CDK12: variants seen among roughly 807,000 people sequenced by gnomAD.
CDK12 encodes the protein cyclin-dependent kinase 12.
CDK12 carries 17 observed loss-of-function variants against 133.8 expected under a neutral mutation model. That is an observed-to-expected ratio of 0.13 (90% CI 0.09 to 0.19). CDK12 has a LOEUF of 0.19. Among genes scored for constraint, CDK12 ranks in the 10% least tolerant of loss-of-function variants. The pLI is 1.00. For synonymous variants in CDK12, 694 were observed against 683.6 expected (o/e 1.02, Z -0.24); for missense variants, 1,508 against 1,818.7 (o/e 0.83, Z 3.11).
chr17:39,473,207 G>C (rs1394024122), intron 2 of CDK12, among the ~76,000 whole-genome samples: 1 of 151,818 alleles, frequency 6.6e-6, no homozygotes, highest in Non-Finnish European at 1.5e-5. Flanking sequence ...TTTATAGCCG[G>C]GTTTGTTTTT....
At chr17:39,515,054 T>C (rs1195113095) in intron 8 of CDK12, among the ~76,000 whole-genome samples, 2 of 152,072 alleles carry the variant, frequency 1.3e-5, no homozygotes, top group Non-Finnish European at 2.9e-5. Context: ...CTATTAAAAA[T>C]ACAAAAAAAT....
At position 39,511,157 on chromosome 17, in the gene CDK12, A is replaced by G. The variant is rs139930216; in HGVS notation, c.2667-372A>G. 2.2e-3 allele frequency among the ~76,000 whole-genome samples: 325 copies of G among 146,990 alleles called. 2 individuals are homozygous for G. The highest frequency in any genetic ancestry group is 7.5e-3 in the African/African-American group (301 of 39,996). On this transcript the variant is annotated intron_variant, in intron 7 of 13. Transcript: ENST00000447079. The stretch of plus-strand genomic sequence containing the variant: ...GTGAACCTGGGAGGCGGAGCTTGCA[A>G]TGAGCCAAGATGGCGCCACTGCACT...
chr17:39,501,368 A>G lies in CDK12; in HGVS notation c.2538A>G (p.Gly846=). ...IKSFMKQLME[G]LEYCHKKNFL... is the part of the protein sequence containing the mutation. ...CGTTCATGAAACAGCTAATGGAAGG[A>G]TTGGAATACTGTCACAAAAAGAATT... is the stretch of plus-strand genomic sequence containing the variant. The change falls in exon 6 of 14, where the codon GGA becomes GGG. Residue 846 remains glycine (G), a synonymous_variant. Coordinates refer to ENST00000447079, the MANE Select transcript of CDK12 (RefSeq NM_016507.4). 6.2e-6 allele frequency: 10 copies of G among 1,613,764 alleles called. No homozygotes were observed. Among genetic ancestry groups the G allele is most frequent in the Non-Finnish European group, 8.5e-6 (10 of 1,179,876 alleles).
chr17:39,516,607 C>T (rs1191336006), intron 9 of CDK12, among the ~76,000 whole-genome samples: 3 of 151,596 alleles, frequency 2.0e-5, no homozygotes, highest in Admixed American at 6.6e-5. Context: ...CCACCTTGAC[C>T]TCCCAAAGTG....
chr17:39,474,781 CTTTTTTTTTTTTTTT>C (rs893347738), intron 2 of CDK12, among the ~76,000 whole-genome samples: 1 of 94,134 alleles, frequency 1.1e-5, no homozygotes, highest in African/African-American at 4.6e-5. Context: ...ATGATGTTTC[CTTTTTTTTTTTTTTT>C]TTTTTTTGGC....
intron 2 of CDK12, among the ~76,000 whole-genome samples, chr17:39,480,477 A>G (rs1397870129): frequency 6.7e-6 from 1 of 148,822 alleles, no homozygotes; most frequent in African/African-American, 2.5e-5. Flanking sequence ...GAGTTTTGCT[A>G]GTTGCCCAGG....
chr17:39,485,407 C>A lies in CDK12; in HGVS notation c.1932-5150C>A, dbSNP rs375757028. ...GAGACCAGAGCTTAGGCATCCCCCC[C>A]CTTTTTTTTTTTTTTTTTTTTTTGG... On this transcript the variant is annotated intron_variant, in intron 2 of 13. Coordinates refer to ENST00000447079, the MANE Select transcript of CDK12 (RefSeq NM_016507.4). 9.7e-3 allele frequency among the ~76,000 whole-genome samples: 1,287 copies of A among 133,048 alleles called. 15 individuals are homozygous for A. Among genetic ancestry groups the A allele is most frequent in the African/African-American group, 0.038 (1,200 of 31,700 alleles). The allele number at this position is 133,048 out of a possible 152,430, so 87.3% of individuals were successfully genotyped here. A position where few individuals can be genotyped will look rare whatever the true frequency, so the allele number is the denominator to read the frequency against.
chr17:39,490,358 C>T (rs1434470333), intron 2 of CDK12, among the ~76,000 whole-genome samples, 199 bp from the exon 3 acceptor site: 1 of 150,000 alleles, frequency 6.7e-6, no homozygotes, highest in Non-Finnish European at 1.5e-5. Context: ...CAGAGTGATA[C>T]TCTGTCTCAA....
chr17:39,494,919 G>A (rs976909477), intron 5 of CDK12, among the ~76,000 whole-genome samples: 1 of 151,790 alleles, frequency 6.6e-6, no homozygotes, highest in Non-Finnish European at 1.5e-5. Context: ...ACAGGCGCCC[G>A]CCACCACACC....
At chr17:39,478,683 G>T (rs969101081) in intron 2 of CDK12, among the ~76,000 whole-genome samples, 3 of 152,086 alleles carry the variant, frequency 2.0e-5, no homozygotes, top group African/African-American at 7.2e-5. Flanking sequence ...AACAAGAAAA[G>T]GCATGATAGC....
chr17:39,463,189 A>G, intron 1 of CDK12, 72 bp downstream of exon 1: 1 of 1,351,576 alleles, frequency 7.4e-7, no homozygotes, highest in East Asian at 2.3e-5. Flanking sequence ...GCGTGTTAAC[A>G]TTGTCTGGAA....
intron 1 of CDK12, among the ~76,000 whole-genome samples, chr17:39,468,497 C>T (rs576573152): frequency 7.9e-5 from 12 of 151,820 alleles, no homozygotes; most frequent in African/African-American, 2.2e-4. Flanking sequence ...TTTTTTGAGA[C>T]GGAGTTTCAC....
At chr17:39,479,642 C>G (rs567184480) in intron 2 of CDK12, among the ~76,000 whole-genome samples, 67 of 151,432 alleles carry the variant, frequency 4.4e-4, no homozygotes, top group African/African-American at 1.6e-3. Context: ...GTTTTTTTCC[C>G]CCGAGACAGA....
intron 2 of CDK12, among the ~76,000 whole-genome samples, chr17:39,553,145 G>A (rs1412021781): frequency 1.3e-5 from 2 of 152,132 alleles, no homozygotes; most frequent in Non-Finnish European, 2.9e-5. Flanking sequence ...AAGAGACTAG[G>A]TGGGGTACTC....
At position 39,531,605 on chromosome 17, in the gene CDK12, GT is replaced by G; in HGVS notation, c.*293del. On this transcript the variant is annotated 3_prime_UTR_variant, in exon 14 of 14. Coordinates refer to ENST00000447079, the MANE Select transcript of CDK12 (RefSeq NM_016507.4). ...AGGATCATTACATTGAAAAGTAAAT[GT>G]TTTATTAGTTCATTGCCTGCACTTA... 3.1e-6 allele frequency: 1 copy of G among 326,972 alleles called. No homozygotes were observed. Among genetic ancestry groups the G allele is most frequent in the Non-Finnish European group, 5.5e-6 (1 of 180,800 alleles). The allele number at this position is 326,972 out of a possible 1,614,324, so 20.3% of individuals were successfully genotyped here. A position where few individuals can be genotyped will look rare whatever the true frequency, so the allele number is the denominator to read the frequency against.
intron 2 of CDK12, among the ~76,000 whole-genome samples, chr17:39,487,412 A>G (rs1325756776): frequency 6.6e-6 from 1 of 152,142 alleles, no homozygotes; most frequent in Non-Finnish European, 1.5e-5. Flanking sequence ...CATGCAAAGC[A>G]CCAATATTTT....
intron 8 of CDK12, 37 bp from the exon 9 acceptor site, chr17:39,515,694 A>G (rs752030068): frequency 2.8e-6 from 4 of 1,417,554 alleles, no homozygotes; most frequent in Non-Finnish European, 3.0e-6. Flanking sequence ...AGGCTCTAAG[A>G]ATTTCTCTTC....
At position 39,533,806 on chromosome 17, in the gene CDK12, A is replaced by AG. The variant is rs1211582219; in HGVS notation, c.*2490_*2491insG. 1 of 232,466 alleles carries AG rather than the reference A, an allele frequency of 4.3e-6. No homozygotes were observed. Among genetic ancestry groups the AG allele is most frequent in the Non-Finnish European group, 8.5e-6 (1 of 117,504 alleles). The allele number at this position is 232,466 out of a possible 1,614,324, so 14.4% of individuals were successfully genotyped here. On this transcript the variant is annotated 3_prime_UTR_variant, in exon 14 of 14. Transcript: ENST00000447079. ...TTCTAAAAGCAGAGGAGAAAAAAAAACTTATTTAAATATCCTGGAATCTGT... is the reference window on the plus strand; with the variant it reads ...TTCTAAAAGCAGAGGAGAAAAAAAAAGCTTATTTAAATATCCTGGAATCTGT...
Position 39,534,458 on chromosome 17 carries a change from A to G in CDK12, c.*3142A>G, listed in dbSNP as rs2055041251. 1 of 232,508 alleles carries G rather than the reference A, an allele frequency of 4.3e-6. No individual in the cohort carries two copies. Among genetic ancestry groups the G allele is most frequent in the Non-Finnish European group, 8.5e-6 (1 of 117,688 alleles). The allele number at this position is 232,508 out of a possible 1,614,324, so 14.4% of individuals were successfully genotyped here. ...TTGGGTGTATCTTGTCTATGTACAG[A>G]TATTTTGTAATATATTAAATTTTTT... On this transcript the variant is annotated 3_prime_UTR_variant, in exon 14 of 14. Transcript: ENST00000447079.
Sources: gnomAD v4.1 joint callset for allele counts (sites outside exome capture counted in the v4.1 genomes callset) on GRCh38, gnomAD v4.1.1 for gene constraint, MANE v1.5 for transcripts, NCBI Gene and HGNC (gene_info 2026-07-23, HGNC 2026-07-21) for gene names.